Variants in FGD6 observed in about 807,000 individuals in gnomAD.
FGD6 encodes FYVE, RhoGEF and PH domain containing 6.
FGD6 carries 90 observed loss-of-function variants against 149.4 expected under a neutral mutation model. That is an observed-to-expected ratio of 0.60 (90% CI 0.51 to 0.72). The LOEUF is 0.72. FGD6 is among the 30% of genes least tolerant of loss of function. The probability of loss-of-function intolerance (pLI) is 0.00; values close to 1 mark genes in which losing one functional copy is unlikely to be tolerated. For synonymous variants in FGD6, 527 were observed against 584.0 expected, an observed-to-expected ratio of 0.90 and a Z score of 1.41; for missense variants, 1,437 against 1,684.8, an observed-to-expected ratio of 0.85 and a Z score of 2.57.
At chr12:95,110,354 T>A (rs1592835934) in intron 9 of FGD6, among the ~76,000 whole-genome samples, 3 of 109,012 alleles carry the variant, frequency 2.8e-5, no homozygotes, top group Admixed American at 1.2e-4. Flanking sequence ...CCTGACTATA[T>A]ATCAGAATTT....
chr12:95,160,361 C>A (rs1247494329), intron 3 of FGD6, among the ~76,000 whole-genome samples: 1 of 152,098 alleles, frequency 6.6e-6, no homozygotes, highest in South Asian at 2.1e-4. Context: ...AATAAAAAAA[C>A]AAACAAACAG....
chr12:95,125,943 C>A, intron 8 of FGD6: 1 of 1,456,396 alleles, frequency 6.9e-7, no homozygotes, highest in Non-Finnish European at 9.6e-7. Context: ...TGATTTCATC[C>A]TCAAGTTTCC....
intron 3 of FGD6, among the ~76,000 whole-genome samples, chr12:95,164,101 T>C (rs908612221): frequency 6.6e-6 from 1 of 152,224 alleles, no homozygotes; most frequent in African/African-American, 2.4e-5. Context: ...AGTTGAAACA[T>C]GAGCCACAAA....
chr12:95,093,227 C>T (rs1433132651), intron 15 of FGD6, among the ~76,000 whole-genome samples: 1 of 151,240 alleles, frequency 6.6e-6, no homozygotes, highest in East Asian at 2.0e-4. Context: ...TCTCAAAAAA[C>T]AAACAAACAA....
intron 8 of FGD6, among the ~76,000 whole-genome samples, chr12:95,119,833 T>C (rs1252237153): frequency 6.6e-6 from 1 of 152,114 alleles, no homozygotes; most frequent in African/African-American, 2.4e-5. Flanking sequence ...GGCAGGAGGA[T>C]CGCTTGAACC....
Position 95,210,587 on chromosome 12 carries a change from C to A in FGD6, c.697G>T (p.Glu233Ter). The A allele has an allele frequency of 6.2e-7, 1 of 1,614,134 alleles. No individual in the cohort carries two copies. The highest frequency in any genetic ancestry group is 8.5e-7 in the Non-Finnish European group (1 of 1,180,024). Residue 233 changes from glutamate (E) to a stop codon, truncating the protein, a stop_gained, in exon 2 of 21, where the codon GAA (glutamate) becomes TAA (stop). Coordinates refer to ENST00000343958, the MANE Select transcript of FGD6 (RefSeq NM_018351.4). LOFTEE classifies it high-confidence loss of function. ...CAACTGTGATGATCAGGAACTTTTT[C>A]AAAGCTGGATGGGGAAGGTGACAAA... ...ADLSPSPSSFEKVPDHHSCHL... is the reference protein window; with the variant it reads ...ADLSPSPSSF
intron 2 of FGD6, among the ~76,000 whole-genome samples, chr12:95,181,730 G>C (rs1279301984): frequency 6.6e-6 from 1 of 152,114 alleles, no homozygotes; most frequent in Non-Finnish European, 1.5e-5. Flanking sequence ...GAGGCAGGCA[G>C]ATCACAAGGT....
intron 5 of FGD6, 52 bp downstream of exon 5, chr12:95,152,759 A>G (rs559670227): frequency 4.5e-6 from 7 of 1,543,378 alleles, no homozygotes; most frequent in African/African-American, 1.4e-5. Flanking sequence ...GGGTAGGGAA[A>G]GTACAAAAGG....
intron 2 of FGD6, among the ~76,000 whole-genome samples, chr12:95,197,554 C>A (rs949261125): frequency 1.3e-5 from 2 of 152,154 alleles, no homozygotes; most frequent in African/African-American, 4.8e-5. Context: ...GGACTATACC[C>A]CTACCATTCA....
intron 3 of FGD6, among the ~76,000 whole-genome samples, chr12:95,153,942 T>TGA (rs1880384528): frequency 1.5e-5 from 2 of 131,802 alleles, no homozygotes; most frequent in South Asian, 4.6e-4. Flanking sequence ...TGTGTGTGTG[T>TGA]GTGTGAGTGA....
chr12:95,215,911 C>T (rs953100466), intron 1 of FGD6, among the ~76,000 whole-genome samples: 1 of 152,136 alleles, frequency 6.6e-6, no homozygotes, highest in East Asian at 1.9e-4. Context: ...TTTAAAATTT[C>T]CAACCACTTT....
At chr12:95,212,030 A>T (rs2056730524) in intron 1 of FGD6, among the ~76,000 whole-genome samples, 1 of 152,344 alleles carries the variant, frequency 6.6e-6, no homozygotes, top group African/African-American at 2.4e-5. Context: ...AAACAATATT[A>T]AAAAAGGAAG....
intron 2 of FGD6, among the ~76,000 whole-genome samples, chr12:95,191,719 A>G (rs570205291): frequency 5.3e-5 from 8 of 152,258 alleles, no homozygotes; most frequent in African/African-American, 1.9e-4. Context: ...CATATAAACT[A>G]CATATATCCT....
intron 5 of FGD6, among the ~76,000 whole-genome samples, chr12:95,150,057 C>T (rs142343935): frequency 0.042 from 6,109 of 145,536 alleles, 186 homozygotes; most frequent in Middle Eastern, 0.094. Flanking sequence ...GAGGGAGTTT[C>T]GCTCTTGTTG....
intron 20 of FGD6, among the ~76,000 whole-genome samples, chr12:95,082,133 C>A (rs1157300021): frequency 6.6e-6 from 1 of 152,154 alleles, no homozygotes; most frequent in Non-Finnish European, 1.5e-5. Context: ...AGTCTTGATG[C>A]TACCAATTAA....
intron 2 of FGD6, among the ~76,000 whole-genome samples, chr12:95,188,142 T>C (rs1223326585): frequency 7.9e-5 from 10 of 126,252 alleles, no homozygotes; most frequent in Non-Finnish European, 5.1e-5. Context: ...GTAAACTTCA[T>C]TTTGCAATAT....
chr12:95,164,116 A>G (rs1369784493), intron 3 of FGD6, among the ~76,000 whole-genome samples: 1 of 152,248 alleles, frequency 6.6e-6, no homozygotes. Context: ...CACAAATGAA[A>G]TAACTTTGTC....
intron 3 of FGD6, among the ~76,000 whole-genome samples, chr12:95,159,916 A>G (rs1045379212): frequency 6.6e-6 from 1 of 152,060 alleles, no homozygotes; most frequent in African/African-American, 2.4e-5. Flanking sequence ...CTGAGGTAGG[A>G]GGATCACTTG....
At chr12:95,133,804 T>C (rs1879590015) in intron 8 of FGD6, among the ~76,000 whole-genome samples, 1 of 152,152 alleles carries the variant, frequency 6.6e-6, no homozygotes, top group Non-Finnish European at 1.5e-5. Context: ...ACACTAGCCT[T>C]TTTGTGATGC....
Sources: allele counts gnomAD v4.1 joint callset (sites outside exome capture counted in the v4.1 genomes callset), GRCh38; gene constraint gnomAD v4.1.1; transcripts MANE v1.5; gene names NCBI Gene and HGNC (gene_info 2026-07-23, HGNC 2026-07-21).